The following RBMS1 variants were observed in gnomAD, a reference collection of about 807,000 sequenced individuals.
RBMS1 encodes the protein RNA-binding motif, single-stranded-interacting protein 1.
RBMS1 carries 17 observed loss-of-function variants against 62.3 expected under a neutral mutation model. That is an observed-to-expected ratio of 0.27 (90% CI 0.19 to 0.41). The LOEUF is 0.41. Among genes scored for constraint, RBMS1 ranks in the 10% least tolerant of loss-of-function variants. The pLI is 1.00. For synonymous variants in RBMS1, 172 were observed against 170.0 expected, an observed-to-expected ratio of 1.01 and a Z score of -0.09; for missense variants, 334 against 504.5, an observed-to-expected ratio of 0.66 and a Z score of 3.24.
intron 1 of RBMS1, among the ~76,000 whole-genome samples, chr2:160,389,150 T>C (rs1426368275): frequency 2.6e-5 from 4 of 152,194 alleles, no homozygotes; most frequent in South Asian, 2.1e-4. Context: ...GCTGAGATAA[T>C]GACCGATAAG....
In RBMS1 at chr2:160,342,550, A is replaced by G. The variant is rs138462695; in HGVS notation, c.252-24323T>C. ...ATCAACAGACTTTATATATATATAT[A>G]TGTGTGAAAAATGTTAGATTGCCAT... On this transcript the variant is annotated intron_variant, in intron 2 of 13. Coordinates refer to ENST00000348849, the MANE Select transcript of RBMS1 (RefSeq NM_016836.4). Among the ~76,000 whole-genome samples the G allele has an allele frequency of 2.4e-3, 363 of 152,098 alleles. 1 individual carries two copies. Among genetic ancestry groups the G allele is most frequent in the Admixed American group, 9.3e-3 (142 of 15,244 alleles).
chr2:160,423,236 C>A (rs879601845), intron 1 of RBMS1, among the ~76,000 whole-genome samples: 12 of 145,948 alleles, frequency 8.2e-5, no homozygotes, highest in Non-Finnish European at 1.7e-4. Flanking sequence ...TTCAATTTTT[C>A]TTGGCAACTT....
In RBMS1 at chr2:160,493,526, C is replaced by T; in HGVS notation, c.-163G>A. 1.6e-6 allele frequency: 1 copy of T among 630,024 alleles called. No homozygotes were observed. The highest frequency in any genetic ancestry group is 2.7e-5 in the Admixed American group (1 of 37,082). The allele number at this position is 630,024 out of a possible 1,614,324, so 39.0% of individuals were successfully genotyped here. A position where few individuals can be genotyped will look rare whatever the true frequency, so the allele number is the denominator to read the frequency against. Reference sequence around the variant, plus strand: ...CCTCCCAGCCGGGACCAGACGTCCTCCTCCTCCTCCTCCTCTTCCTCCTCC... The same window carrying T: ...CCTCCCAGCCGGGACCAGACGTCCTTCTCCTCCTCCTCCTCTTCCTCCTCC... On this transcript the variant is annotated 5_prime_UTR_variant, in exon 1 of 14. Coordinates refer to ENST00000348849, the MANE Select transcript of RBMS1 (RefSeq NM_016836.4).
intron 2 of RBMS1, among the ~76,000 whole-genome samples, chr2:160,328,977 G>A (rs1442142347): frequency 1.3e-5 from 2 of 152,130 alleles, no homozygotes; most frequent in Admixed American, 6.5e-5. Flanking sequence ...GTTATCTGAA[G>A]CTATTAAAAC....
intron 1 of RBMS1, among the ~76,000 whole-genome samples, chr2:160,448,814 C>T (rs1227761886): frequency 6.6e-6 from 1 of 151,180 alleles, no homozygotes; most frequent in African/African-American, 2.4e-5. Context: ...GTGAGGAGCG[C>T]CTCTTCCCGG....
At chr2:160,429,290 A>G (rs1051500459) in intron 1 of RBMS1, among the ~76,000 whole-genome samples, 2 of 152,188 alleles carry the variant, frequency 1.3e-5, no homozygotes, top group Admixed American at 6.5e-5. Context: ...TTCTCATAAG[A>G]GATTAAAGGA....
chr2:160,346,922 C>G (rs904628318), intron 2 of RBMS1, among the ~76,000 whole-genome samples: 1 of 152,030 alleles, frequency 6.6e-6, no homozygotes, highest in Admixed American at 6.6e-5. Context: ...GGAAGTTCTG[C>G]TCAAAAAGCA....
intron 1 of RBMS1, among the ~76,000 whole-genome samples, chr2:160,478,278 G>A (rs78599284): frequency 0.061 from 9,349 of 152,214 alleles, 391 homozygotes; most frequent in Non-Finnish European, 0.095. Flanking sequence ...ACACTTATGG[G>A]AAGAAAAGTT....
intron 1 of RBMS1, among the ~76,000 whole-genome samples, chr2:160,424,170 C>T (rs941093574): frequency 3.0e-4 from 45 of 151,926 alleles, no homozygotes; most frequent in African/African-American, 1.0e-3. Context: ...AGGCGCCCGC[C>T]ACCACACGCT....
chr2:160,384,740 C>T (rs545657754), intron 1 of RBMS1, among the ~76,000 whole-genome samples: 3 of 152,262 alleles, frequency 2.0e-5, no homozygotes, highest in Admixed American at 6.5e-5. Flanking sequence ...AATAAACTGT[C>T]GGGCTTGTAA....
chr2:160,323,566 C>A (rs1180918472), intron 2 of RBMS1, among the ~76,000 whole-genome samples: 1 of 137,788 alleles, frequency 7.3e-6, no homozygotes, highest in Non-Finnish European at 1.5e-5. Context: ...TCTAAGGACA[C>A]TAAGAAAGTG....
intron 2 of RBMS1, among the ~76,000 whole-genome samples, chr2:160,365,511 A>C (rs1407441434): frequency 1.3e-5 from 2 of 152,242 alleles, no homozygotes; most frequent in African/African-American, 4.8e-5. Context: ...CCACATTTGT[A>C]ATATGATTCA....
chr2:160,285,969 C>T (rs1057170928), intron 7 of RBMS1, among the ~76,000 whole-genome samples: 9 of 151,546 alleles, frequency 5.9e-5, no homozygotes, highest in South Asian at 2.1e-4. Context: ...AAATTAGCCG[C>T]GCATGGTGGT....
intron 1 of RBMS1, chr2:160,407,607 A>AG (rs990640992): frequency 2.0e-6 from 2 of 981,874 alleles, no homozygotes; most frequent in African/African-American, 3.5e-5. Flanking sequence ...GGAGGGCGCA[A>AG]GGAGGTGGCC....
intron 2 of RBMS1, among the ~76,000 whole-genome samples, chr2:160,356,265 A>G (rs550707783): frequency 6.6e-6 from 1 of 152,252 alleles, no homozygotes; most frequent in African/African-American, 2.4e-5. Context: ...AGATGTCAGG[A>G]AAGACAGGTT....
intron 2 of RBMS1, among the ~76,000 whole-genome samples, chr2:160,344,465 CTT>C (rs1241966498): frequency 6.6e-6 from 1 of 152,036 alleles, no homozygotes; most frequent in Non-Finnish European, 1.5e-5. Context: ...CTTCATTTTT[CTT>C]TTGTTTTTTG....
At chr2:160,365,466 G>T (rs1469469023) in intron 2 of RBMS1, among the ~76,000 whole-genome samples, 1 of 152,090 alleles carries the variant, frequency 6.6e-6, no homozygotes, top group Non-Finnish European at 1.5e-5. Context: ...AAAAAGAAAT[G>T]AATATTCTAG....
chr2:160,368,824 G>C (rs1559456573), intron 1 of RBMS1, among the ~76,000 whole-genome samples: 1 of 152,138 alleles, frequency 6.6e-6, no homozygotes, highest in Non-Finnish European at 1.5e-5. Flanking sequence ...ATTTTTAGTA[G>C]AGACAGGGTT....
At chr2:160,332,196 C>A (rs1691313815) in intron 2 of RBMS1, among the ~76,000 whole-genome samples, 1 of 152,078 alleles carries the variant, frequency 6.6e-6, no homozygotes, top group Non-Finnish European at 1.5e-5. Context: ...GATATCCCTG[C>A]TTTGAAAGAG....
Sources: allele counts gnomAD v4.1 joint callset (sites outside exome capture counted in the v4.1 genomes callset), GRCh38; gene constraint gnomAD v4.1.1; transcripts MANE v1.5; gene names NCBI Gene and HGNC (gene_info 2026-07-23, HGNC 2026-07-21).